FBXL7: variants seen among roughly 807,000 people sequenced by gnomAD.
FBXL7 encodes F-box/LRR-repeat protein 7.
Under a neutral mutation model 38.3 loss-of-function variants are expected in FBXL7, and 12 were observed. The ratio of observed to expected loss-of-function variants is 0.31; its 90% confidence interval spans 0.20 to 0.51. The LOEUF is 0.51. FBXL7 is among the 20% of genes least tolerant of loss of function. The pLI, the probability that FBXL7 is intolerant of heterozygous loss-of-function variation, is 0.98. For synonymous variants in FBXL7, 297 were observed against 300.9 expected (o/e 0.99, Z 0.13); for missense variants, 567 against 676.4 (o/e 0.84, Z 1.79).
chr5:15,848,183 T>C (rs1738973188), intron 2 of FBXL7, among the ~76,000 whole-genome samples: 1 of 152,194 alleles, frequency 6.6e-6, no homozygotes, highest in Non-Finnish European at 1.5e-5. Context: ...CATTGTTGTA[T>C]GTACAATTAT....
chr5:15,729,999 A>T (rs1263008942), intron 2 of FBXL7, among the ~76,000 whole-genome samples: 1 of 152,188 alleles, frequency 6.6e-6, no homozygotes, highest in Non-Finnish European at 1.5e-5. Context: ...ATAAAAGCCG[A>T]GTTCCCATGA....
chr5:15,728,894 A>G lies in FBXL7; in HGVS notation c.127+112822A>G, dbSNP rs1735494153. On this transcript the variant is annotated intron_variant, in intron 2 of 3. Coordinates refer to ENST00000504595, the MANE Select transcript of FBXL7 (RefSeq NM_012304.5). ...TCTTGCAGGACTTTTCCAATATAGC[A>G]TGGATCAGGCATTTCATGAATTCCT... Among the ~76,000 whole-genome samples the G allele has an allele frequency of 2.0e-5, 3 of 152,142 alleles. No homozygotes were observed. The South Asian group carries it at 6.2e-4, about 31-fold the overall frequency.
chr5:15,664,782 C>A (rs1187663297), intron 2 of FBXL7, among the ~76,000 whole-genome samples: 1 of 151,920 alleles, frequency 6.6e-6, no homozygotes, highest in African/African-American at 2.4e-5. Context: ...AAATTTTCTT[C>A]AAGCGTCCTA....
chr5:15,514,016 T>C lies in FBXL7; in HGVS notation c.37+13303T>C, dbSNP rs530701957. Among the ~76,000 whole-genome samples, 7 of 152,278 alleles carry C rather than the reference T, an allele frequency of 4.6e-5. No individual in the cohort carries two copies. In the East Asian group the frequency reaches 1.4e-3, roughly 29 times the overall value. ...GAGTCTTTCTGCACTCCTAAAGCCA[T>C]AACAACATGAACTGAGCAATAAAAA... is the stretch of plus-strand genomic sequence containing the variant. On this transcript the variant is annotated intron_variant, in intron 1 of 3. Transcript: ENST00000504595.
In FBXL7 at chr5:15,521,001, T is replaced by G. The variant is rs148239614; in HGVS notation, c.37+20288T>G. Reference sequence around the variant, plus strand: ...CCCAGGTACCGAAGGCATGAAAGAGTTTTGCAAAATCCCGTATGAGTTACA... The same window carrying G: ...CCCAGGTACCGAAGGCATGAAAGAGGTTTGCAAAATCCCGTATGAGTTACA... On this transcript the variant is annotated intron_variant, in intron 1 of 3. Transcript: ENST00000504595. Among the ~76,000 whole-genome samples, 359 of 152,068 alleles carry G rather than the reference T, an allele frequency of 2.4e-3. 2 individuals carry two copies. Among genetic ancestry groups the G allele is most frequent in the African/African-American group, 7.7e-3 (320 of 41,464 alleles).
intron 1 of FBXL7, among the ~76,000 whole-genome samples, chr5:15,501,245 TTGTC>T (rs1434218715): frequency 1.3e-5 from 2 of 152,060 alleles, no homozygotes; most frequent in Non-Finnish European, 2.9e-5. Context: ...GCTGGGGGCT[TTGTC>T]TGGTCTCTCT....
At chr5:15,570,198 C>T (rs913936894) in intron 1 of FBXL7, among the ~76,000 whole-genome samples, 7 of 152,106 alleles carry the variant, frequency 4.6e-5, no homozygotes, top group East Asian at 1.9e-4. Context: ...TGGTAGAATT[C>T]GGCTGTGAAT....
At chr5:15,624,842 T>C (rs376691842) in intron 2 of FBXL7, among the ~76,000 whole-genome samples, 11 of 151,962 alleles carry the variant, frequency 7.2e-5, no homozygotes, top group African/African-American at 2.7e-4. Flanking sequence ...TAAAATTAAA[T>C]GAGTGTTGGC....
At chr5:15,862,299 C>T (rs1004502956) in intron 2 of FBXL7, among the ~76,000 whole-genome samples, 19 of 152,254 alleles carry the variant, frequency 1.2e-4, no homozygotes, top group African/African-American at 4.6e-4. Flanking sequence ...TGTCTGCCAC[C>T]ATGTGAAACG....
chr5:15,604,327 G>A (rs577785192), intron 1 of FBXL7, among the ~76,000 whole-genome samples: 1 of 152,274 alleles, frequency 6.6e-6, no homozygotes, highest in African/African-American at 2.4e-5. Flanking sequence ...TATGTGGAAT[G>A]ATTGCTGATC....
At chr5:15,900,220 G>T (rs922868775) in intron 2 of FBXL7, among the ~76,000 whole-genome samples, 4 of 152,120 alleles carry the variant, frequency 2.6e-5, no homozygotes, top group South Asian at 2.1e-4. Flanking sequence ...TCTTAAACCT[G>T]AGGTTACAGG....
intron 2 of FBXL7, among the ~76,000 whole-genome samples, chr5:15,700,369 C>T (rs1014434117): frequency 1.1e-4 from 16 of 152,172 alleles, no homozygotes; most frequent in Non-Finnish European, 2.1e-4. Context: ...CTCAATAATA[C>T]GTACGTTGTT....
chr5:15,683,035 G>A (rs370816960), intron 2 of FBXL7, among the ~76,000 whole-genome samples: 2 of 152,278 alleles, frequency 1.3e-5, no homozygotes, highest in East Asian at 1.9e-4. Context: ...CTAAGGGAAG[G>A]TGGTACATAG....
chr5:15,527,434 A>G (rs1737283405), intron 1 of FBXL7, among the ~76,000 whole-genome samples: 1 of 152,186 alleles, frequency 6.6e-6, no homozygotes, highest in Non-Finnish European at 1.5e-5. Context: ...TAACGTTTTC[A>G]ATATTATTAT....
intron 2 of FBXL7, among the ~76,000 whole-genome samples, chr5:15,802,655 CCTTT>C (rs1440297621): frequency 6.7e-6 from 1 of 149,370 alleles, no homozygotes; most frequent in African/African-American, 2.5e-5. Flanking sequence ...ACCACATCAT[CCTTT>C]TTTTTTTTTT....
intron 2 of FBXL7, among the ~76,000 whole-genome samples, chr5:15,852,745 G>T (rs1387729872): frequency 6.6e-6 from 1 of 151,332 alleles, no homozygotes; most frequent in Non-Finnish European, 1.5e-5. Context: ...CATGAATTTG[G>T]AACTAAACCT....
intron 2 of FBXL7, among the ~76,000 whole-genome samples, chr5:15,690,377 C>T (rs1385091403): frequency 6.6e-6 from 1 of 151,842 alleles, no homozygotes; most frequent in Non-Finnish European, 1.5e-5. Flanking sequence ...TGAAAGCAGT[C>T]CTGACGAAAT....
intron 2 of FBXL7, among the ~76,000 whole-genome samples, chr5:15,834,178 T>C (rs546262494): frequency 1.2e-4 from 19 of 152,352 alleles, no homozygotes; most frequent in African/African-American, 4.6e-4. Flanking sequence ...GTCATTTCAA[T>C]ATCATATAGG....
At chr5:15,612,518 TTTG>T (rs1437245634) in intron 1 of FBXL7, among the ~76,000 whole-genome samples, 2 of 152,146 alleles carry the variant, frequency 1.3e-5, no homozygotes, top group African/African-American at 4.8e-5. Context: ...TTCTCTGAAA[TTTG>T]TTGTTTTATT....
Sources: gnomAD v4.1 joint callset for allele counts (sites outside exome capture counted in the v4.1 genomes callset) on GRCh38, gnomAD v4.1.1 for gene constraint, MANE v1.5 for transcripts, NCBI Gene and HGNC (gene_info 2026-07-23, HGNC 2026-07-21) for gene names.